The following PDE11A variants were observed in gnomAD, a reference collection of about 807,000 sequenced individuals.
PDE11A encodes dual 3',5'-cyclic-AMP and -GMP phosphodiesterase 11A.
A neutral mutation model predicts 100.5 loss-of-function variants in PDE11A; 100 were observed. The observed-to-expected ratio is 1.00, with a 90% CI of 0.85 to 1.18. The LOEUF (loss-of-function observed/expected upper bound fraction) is 1.18. PDE11A is among the 50% of genes most tolerant of loss of function. PDE11A has a pLI of 0.00. For missense variants in PDE11A, 1,141 were observed against 1,152.6 expected, an observed-to-expected ratio of 0.99 and a Z score of 0.15; for synonymous variants, 381 against 420.8, an observed-to-expected ratio of 0.91 and a Z score of 1.16.
At chr2:177,746,600 CT>C (rs1417894252) in intron 10 of PDE11A, among the ~76,000 whole-genome samples, 3 of 152,204 alleles carry the variant, frequency 2.0e-5, no homozygotes, top group East Asian at 3.8e-4. Flanking sequence ...AAGAATCAGT[CT>C]GGTATTTTAT....
rs546114614 is a variant in PDE11A at position 177,851,263 on chromosome 2, A to G, written c.1368-10880T>C. Among the ~76,000 whole-genome samples the G allele has an allele frequency of 2.1e-3, 315 of 152,196 alleles. 1 individual carries two copies. Among genetic ancestry groups the G allele is most frequent in the African/African-American group, 7.0e-3 (290 of 41,488 alleles). Reference sequence around the variant, plus strand: ...GACATGGATGAAGCTGGAAACCATCATTCTCAGCAAACTATCTCAAGAACA... The same window carrying G: ...GACATGGATGAAGCTGGAAACCATCGTTCTCAGCAAACTATCTCAAGAACA... On this transcript the variant is annotated intron_variant, in intron 5 of 19. Coordinates refer to ENST00000286063, the MANE Select transcript of PDE11A (RefSeq NM_016953.4).
intron 5 of PDE11A, among the ~76,000 whole-genome samples, chr2:177,859,194 T>C (rs1341483899): frequency 5.9e-5 from 9 of 151,814 alleles, no homozygotes; most frequent in Non-Finnish European, 1.2e-4. Flanking sequence ...CATGTATACA[T>C]ATGTAACAAA....
At chr2:178,024,973 G>C (rs1474031465) in intron 1 of PDE11A, among the ~76,000 whole-genome samples, 1 of 152,204 alleles carries the variant, frequency 6.6e-6, no homozygotes, top group Non-Finnish European at 1.5e-5. Flanking sequence ...ATTGATGGAA[G>C]ACTTGAGATT....
intron 9 of PDE11A, 31 bp from the exon 10 acceptor site, chr2:177,769,404 T>C (rs750007914): frequency 4.7e-6 from 6 of 1,266,076 alleles, no homozygotes; most frequent in Non-Finnish European, 6.9e-6. Flanking sequence ...ATAATTTTAA[T>C]AACTAGACAT....
intron 9 of PDE11A, among the ~76,000 whole-genome samples, chr2:177,775,053 G>A (rs1203395411): frequency 6.6e-6 from 1 of 152,166 alleles, no homozygotes; most frequent in Non-Finnish European, 1.5e-5. Context: ...ACTTTGAAAT[G>A]GAAGGGGCCA....
intron 2 of PDE11A, among the ~76,000 whole-genome samples, chr2:177,990,047 C>CA (rs1251481028): frequency 3.3e-5 from 5 of 152,172 alleles, no homozygotes; most frequent in African/African-American, 9.6e-5. Flanking sequence ...TCACACCACT[C>CA]ACTACAGTTT....
At chr2:177,709,774 G>A (rs1438632380) in intron 13 of PDE11A, among the ~76,000 whole-genome samples, 1 of 152,174 alleles carries the variant, frequency 6.6e-6, no homozygotes, top group Non-Finnish European at 1.5e-5. Context: ...AGAGTTTCAG[G>A]AAGGAGGGAG....
At chr2:177,991,820 A>G (rs999154748) in intron 2 of PDE11A, among the ~76,000 whole-genome samples, 1 of 151,174 alleles carries the variant, frequency 6.6e-6, no homozygotes, top group Non-Finnish European at 1.5e-5. Flanking sequence ...TATAAAGAGC[A>G]TTATCTTCTT....
At chr2:177,805,090 A>AAT (rs1553476779) in intron 9 of PDE11A, among the ~76,000 whole-genome samples, 15 of 134,620 alleles carry the variant, frequency 1.1e-4, no homozygotes, top group Non-Finnish European at 1.6e-4. Context: ...TTAATTAAAA[A>AAT]ATATATATAT....
chr2:177,629,170 T>C lies in PDE11A; in HGVS notation c.*237A>G. On this transcript the variant is annotated 3_prime_UTR_variant, in exon 20 of 20. Coordinates refer to ENST00000286063, the MANE Select transcript of PDE11A (RefSeq NM_016953.4). ...GAGCCTTCATTTCAGCCCATGCGTG[T>C]TCATTAGGGAAAAGTGAGGGTCCTG... 5.4e-6 allele frequency: 3 copies of C among 554,990 alleles called. No individual in the cohort carries two copies. Among genetic ancestry groups the C allele is most frequent in the Non-Finnish European group, 9.7e-6 (3 of 308,940 alleles). 34.4% of individuals were successfully genotyped at this position (554,990 alleles called of 1,614,324 possible).
chr2:177,947,437 C>T (rs943849456), intron 2 of PDE11A, among the ~76,000 whole-genome samples: 3 of 152,294 alleles, frequency 2.0e-5, no homozygotes, highest in Admixed American at 1.3e-4. Context: ...AATTCTTCTG[C>T]CTTGGGATCC....
intron 10 of PDE11A, among the ~76,000 whole-genome samples, chr2:177,762,159 C>T (rs1215282976): frequency 6.6e-6 from 1 of 152,016 alleles, no homozygotes; most frequent in Non-Finnish European, 1.5e-5. Flanking sequence ...TGGGGGCGGG[C>T]AGTGATGAGG....
intron 1 of PDE11A, among the ~76,000 whole-genome samples, chr2:178,106,038 A>G (rs1429139630): frequency 6.6e-6 from 1 of 152,210 alleles, no homozygotes; most frequent in African/African-American, 2.4e-5. Context: ...TAGAGTCCTA[A>G]GCACATATTG....
Position 178,071,607 on chromosome 2 carries a change from C to G in PDE11A, c.831G>C (p.Glu277Asp). The change falls in exon 1 of 20, where the codon GAG (glutamate) becomes GAC (aspartate). Residue 277 changes from glutamate to aspartate, a missense_variant. Coordinates refer to ENST00000286063, the MANE Select transcript of PDE11A (RefSeq NM_016953.4). Reference sequence around the variant, plus strand: ...TACCTTTGCCCCAGGGGACCTGCACCTCATTTGAGTTCTCTGTGCTGCTGC... The same window carrying G: ...TACCTTTGCCCCAGGGGACCTGCACGTCATTTGAGTTCTCTGTGCTGCTGC... Reference protein sequence around the residue: ...LPCSSTENSNEVQVPWGKGII... With the variant: ...LPCSSTENSNDVQVPWGKGII... 6.2e-7 allele frequency: 1 copy of G among 1,613,972 alleles called. No individual in the cohort carries two copies. Among genetic ancestry groups the G allele is most frequent in the Non-Finnish European group, 8.5e-7 (1 of 1,179,874 alleles).
intron 10 of PDE11A, among the ~76,000 whole-genome samples, chr2:177,763,117 G>C (rs2105492723): frequency 6.6e-6 from 1 of 152,322 alleles, no homozygotes; most frequent in Middle Eastern, 3.4e-3. Context: ...GTCCTGAGCA[G>C]TGCAAGCCGC....
intron 19 of PDE11A, among the ~76,000 whole-genome samples, chr2:177,651,363 G>T (rs2080305866): frequency 6.6e-6 from 1 of 152,172 alleles, no homozygotes; most frequent in African/African-American, 2.4e-5. Flanking sequence ...ACCTCCCTTT[G>T]TTCAGACTCT....
At chr2:177,735,377 A>C (rs1559166016) in intron 10 of PDE11A, among the ~76,000 whole-genome samples, 1 of 151,900 alleles carries the variant, frequency 6.6e-6, no homozygotes, top group Non-Finnish European at 1.5e-5. Context: ...CTACCCAAGA[A>C]GAAAGAAAAA....
At chr2:177,968,282 A>C (rs1049170535) in intron 2 of PDE11A, among the ~76,000 whole-genome samples, 1 of 152,218 alleles carries the variant, frequency 6.6e-6, no homozygotes, top group African/African-American at 2.4e-5. Context: ...ATTTATTTTT[A>C]TGTCAACACC....
At chr2:178,037,227 C>A (rs950916612) in intron 1 of PDE11A, among the ~76,000 whole-genome samples, 1 of 152,132 alleles carries the variant, frequency 6.6e-6, no homozygotes, top group East Asian at 1.9e-4. Context: ...TGAACAGATA[C>A]TTCTCAAAAG....
Sources: allele counts gnomAD v4.1 joint callset (sites outside exome capture counted in the v4.1 genomes callset), GRCh38; gene constraint gnomAD v4.1.1; transcripts MANE v1.5; gene names NCBI Gene and HGNC (gene_info 2026-07-23, HGNC 2026-07-21).